Variants in MECOM observed in about 807,000 individuals in gnomAD.
MECOM encodes MDS1 and EVI1 complex locus.
In MECOM, 13 loss-of-function variants were observed where a neutral mutation model predicts 116.3. The ratio of observed to expected loss-of-function variants is 0.11; its 90% CI spans 0.07 to 0.18. MECOM has a LOEUF of 0.18. MECOM is among the 10% of genes least tolerant of loss of function. The probability of loss-of-function intolerance (pLI) is 1.00; values close to 1 mark genes in which losing one functional copy is unlikely to be tolerated. For missense variants in MECOM, 1,299 were observed against 1,509.0 expected (o/e 0.86, Z 2.31); for synonymous variants, 528 against 535.2 (o/e 0.99, Z 0.19).
At chr3:169,398,621 G>T (rs573497066) in intron 1 of MECOM, among the ~76,000 whole-genome samples, 6 of 152,090 alleles carry the variant, frequency 3.9e-5, no homozygotes, top group Non-Finnish European at 8.8e-5. Flanking sequence ...TCTGGAATGC[G>T]GCTTCCCTGT....
intron 2 of MECOM, among the ~76,000 whole-genome samples, chr3:169,293,010 AC>A (rs1714885903): frequency 6.6e-6 from 1 of 152,120 alleles, no homozygotes. Flanking sequence ...AGATGAAGTG[AC>A]TTATCCAAGA....
intron 2 of MECOM, chr3:169,145,714 C>A (rs140847294): frequency 3.2e-5 from 7 of 221,166 alleles, no homozygotes; most frequent in Non-Finnish European, 6.3e-5. Context: ...AGCTTTCAAG[C>A]ATACCCTTTC....
intron 1 of MECOM, among the ~76,000 whole-genome samples, chr3:169,625,483 G>T (rs994222990): frequency 6.6e-6 from 1 of 152,080 alleles, no homozygotes; most frequent in Non-Finnish European, 1.5e-5. Flanking sequence ...GGCCCATAAA[G>T]CAACACAACC....
At chr3:169,135,150 A>G (rs1383548894) in intron 3 of MECOM, among the ~76,000 whole-genome samples, 4 of 152,100 alleles carry the variant, frequency 2.6e-5, no homozygotes, top group East Asian at 1.9e-4. Flanking sequence ...AAGCAGAGAC[A>G]CTACTAATAT....
Position 169,562,139 on chromosome 3 carries a change from C to CAAAAAA in MECOM, c.37+101191_37+101196dup, listed in dbSNP as rs10714325. 3.2e-3 allele frequency among the ~76,000 whole-genome samples: 80 copies of CAAAAAA among 25,282 alleles called. 3 individuals carry two copies. Among genetic ancestry groups the CAAAAAA allele is most frequent in the Non-Finnish European group, 4.3e-3 (56 of 13,034 alleles). The allele number at this position is 25,282 out of a possible 152,430, so 16.6% of individuals were successfully genotyped here. A position where few individuals can be genotyped will look rare whatever the true frequency, so the allele number is the denominator to read the frequency against. ...CCAGCCTGGGTGACAGAGCAATACT[C>CAAAAAA]AAAAAAAAAAAAAAAAAAAAAAAGG... On this transcript the variant is annotated intron_variant, in intron 1 of 16. Transcript: ENST00000651503.
intron 1 of MECOM, among the ~76,000 whole-genome samples, chr3:169,506,710 C>G (rs558427148): frequency 2.6e-5 from 4 of 152,294 alleles, no homozygotes; most frequent in Non-Finnish European, 5.9e-5. Context: ...GTCTTTTCCT[C>G]TTTCATCTAA....
chr3:169,223,892 G>C (rs1752417556), intron 2 of MECOM, among the ~76,000 whole-genome samples: 1 of 152,106 alleles, frequency 6.6e-6, no homozygotes, highest in Non-Finnish European at 1.5e-5. Flanking sequence ...CATGACCTCA[G>C]GTGGAACCTC....
In MECOM at chr3:169,474,695, G is replaced by A. The variant is rs1750074515; in HGVS notation, c.38-93171C>T. Reference sequence around the variant, plus strand: ...CTCCACCAAAGAAGAGAAATCATTTGGAAGATACAAAAACTCTGAGTTTTT... The same window carrying A: ...CTCCACCAAAGAAGAGAAATCATTTAGAAGATACAAAAACTCTGAGTTTTT... On this transcript the variant is annotated intron_variant, in intron 1 of 16. Coordinates refer to ENST00000651503, the MANE Select transcript of MECOM (RefSeq NM_004991.4). Among the ~76,000 whole-genome samples, 3 of 152,186 alleles carry A rather than the reference G, an allele frequency of 2.0e-5. No individual in the cohort carries two copies. The South Asian group carries it at 6.2e-4, about 32-fold the overall frequency.
At chr3:169,223,563 T>C (rs1189965136) in intron 2 of MECOM, among the ~76,000 whole-genome samples, 1 of 152,140 alleles carries the variant, frequency 6.6e-6, no homozygotes, top group Admixed American at 6.5e-5. Flanking sequence ...TGATAGGTTA[T>C]AAAGTTCAAC....
At chr3:169,151,445 T>C (rs1167941134) in intron 2 of MECOM, among the ~76,000 whole-genome samples, 1 of 152,214 alleles carries the variant, frequency 6.6e-6, no homozygotes, top group African/African-American at 2.4e-5. Flanking sequence ...GCTTTGGGTT[T>C]CTTGAGGTGG....
intron 2 of MECOM, among the ~76,000 whole-genome samples, chr3:169,309,465 C>T (rs1312633745): frequency 3.9e-5 from 6 of 152,104 alleles, no homozygotes; most frequent in Admixed American, 3.9e-4. Context: ...CTTCCAAAAA[C>T]TAACTTCATC....
At chr3:169,416,754 C>T (rs1478140736) in intron 1 of MECOM, among the ~76,000 whole-genome samples, 1 of 152,110 alleles carries the variant, frequency 6.6e-6, no homozygotes, top group Non-Finnish European at 1.5e-5. Flanking sequence ...CTGTAAACAC[C>T]TCTATGTAAG....
chr3:169,484,635 A>G (rs1423254645), intron 1 of MECOM, among the ~76,000 whole-genome samples: 1 of 152,212 alleles, frequency 6.6e-6, no homozygotes, highest in Non-Finnish European at 1.5e-5. Flanking sequence ...GGAGCAGTTG[A>G]TTAAAGTTTT....
At chr3:169,571,862 G>A (rs761612653) in intron 1 of MECOM, among the ~76,000 whole-genome samples, 7 of 152,230 alleles carry the variant, frequency 4.6e-5, no homozygotes, top group Non-Finnish European at 4.4e-5. Flanking sequence ...AAACTTAAAC[G>A]TGAGACCTAA....
At chr3:169,494,303 A>T (rs1331758062) in intron 1 of MECOM, among the ~76,000 whole-genome samples, 2 of 152,088 alleles carry the variant, frequency 1.3e-5, no homozygotes, top group Non-Finnish European at 2.9e-5. Flanking sequence ...TGGTAAAACT[A>T]ACAAGTTGAC....
At chr3:169,410,564 C>T (rs1165617865) in intron 1 of MECOM, among the ~76,000 whole-genome samples, 1 of 151,740 alleles carries the variant, frequency 6.6e-6, no homozygotes, top group African/African-American at 2.4e-5. Context: ...TGAAATCCAG[C>T]ATGAGTAATA....
intron 3 of MECOM, among the ~76,000 whole-genome samples, chr3:169,139,962 TAA>T (rs34041022): frequency 2.5e-4 from 37 of 146,418 alleles, no homozygotes; most frequent in East Asian, 8.0e-4. Context: ...TAGTTTTCTT[TAA>T]AAAAAAAAAA....
At chr3:169,583,529 CT>C (rs1765371811) in intron 1 of MECOM, among the ~76,000 whole-genome samples, 1 of 152,136 alleles carries the variant, frequency 6.6e-6, no homozygotes, top group Non-Finnish European at 1.5e-5. Context: ...CAAATCTCCA[CT>C]TAAATGCTTG....
intron 2 of MECOM, among the ~76,000 whole-genome samples, chr3:169,180,335 AAT>A (rs534620371): frequency 6.6e-6 from 1 of 151,984 alleles, no homozygotes. Context: ...TGTCAATATT[AAT>A]ATATATATAG....
Sources: gnomAD v4.1 joint callset for allele counts (sites outside exome capture counted in the v4.1 genomes callset) on GRCh38, gnomAD v4.1.1 for gene constraint, MANE v1.5 for transcripts, NCBI Gene and HGNC (gene_info 2026-07-23, HGNC 2026-07-21) for gene names.